The following MCTP1 variants were observed in gnomAD, a reference collection of about 807,000 sequenced individuals.
MCTP1 encodes the protein multiple C2 and transmembrane domain-containing protein 1.
In MCTP1, 69 loss-of-function variants were observed where a neutral mutation model predicts 120.6. The observed-to-expected ratio is 0.57, with a 90% CI of 0.47 to 0.70. The LOEUF (loss-of-function observed/expected upper bound fraction) is 0.70. MCTP1 is among the 30% of genes least tolerant of loss of function. MCTP1 has a pLI of 0.00. For missense variants in MCTP1, 1,203 were observed against 1,248.8 expected (o/e 0.96, Z 0.55); for synonymous variants, 529 against 493.1 (o/e 1.07, Z -0.96).
At chr5:95,169,638 T>C (rs1746950822) in intron 1 of MCTP1, among the ~76,000 whole-genome samples, 1 of 152,216 alleles carries the variant, frequency 6.6e-6, no homozygotes, top group African/African-American at 2.4e-5. Context: ...GGTGTATGTG[T>C]CCGGAATTTA....
chr5:94,704,134 C>T lies in MCTP1; in HGVS notation c.*3362G>A, dbSNP rs578262500. ...CTATGTGGTTTTAATTCATACTTTA[C>T]TGAGCAATTAGAAAAGGCTGATTCT... is the stretch of plus-strand genomic sequence containing the variant. On this transcript the variant is annotated 3_prime_UTR_variant, in exon 23 of 23. Coordinates refer to ENST00000515393, the MANE Select transcript of MCTP1 (RefSeq NM_024717.7). 5.3e-5 allele frequency: 8 copies of T among 151,482 alleles called. No homozygotes were observed. The East Asian group carries it at 1.4e-3, about 26-fold the overall frequency. 9.4% of individuals were successfully genotyped at this position (151,482 alleles called of 1,614,324 possible). A position where few individuals can be genotyped will look rare whatever the true frequency, so the allele number is the denominator to read the frequency against.
At chr5:95,177,672 C>T (rs768947070) in intron 1 of MCTP1, among the ~76,000 whole-genome samples, 3 of 152,266 alleles carry the variant, frequency 2.0e-5, no homozygotes, top group South Asian at 2.1e-4. Context: ...GTTGCACATT[C>T]GTTATTTGCA....
intron 1 of MCTP1, among the ~76,000 whole-genome samples, chr5:95,125,464 A>G (rs894174111): frequency 2.0e-5 from 3 of 152,140 alleles, no homozygotes; most frequent in Non-Finnish European, 4.4e-5. Context: ...GCTAGCCACA[A>G]CCTTCACCTG....
At chr5:94,905,992 T>G (rs770835286) in intron 10 of MCTP1, among the ~76,000 whole-genome samples, 1 of 151,234 alleles carries the variant, frequency 6.6e-6, no homozygotes, top group Non-Finnish European at 1.5e-5. Flanking sequence ...GAGCATGCGG[T>G]GTCCTGGAAG....
chr5:94,710,095 A>G (rs1756299503), intron 21 of MCTP1: 3 of 152,104 alleles, frequency 2.0e-5, no homozygotes, highest in Non-Finnish European at 2.9e-5. Flanking sequence ...TCTAGTTTAT[A>G]TATTATTAAT....
At chr5:94,821,795 T>C (rs898242881) in intron 17 of MCTP1, among the ~76,000 whole-genome samples, 3 of 152,192 alleles carry the variant, frequency 2.0e-5, no homozygotes, top group Non-Finnish European at 2.9e-5. Context: ...CCATCCTATA[T>C]GTGGGCCTCA....
intron 2 of MCTP1, among the ~76,000 whole-genome samples, chr5:95,016,576 G>C (rs1455394874): frequency 6.6e-6 from 1 of 151,974 alleles, no homozygotes; most frequent in African/African-American, 2.4e-5. Context: ...GAGTTAGCAA[G>C]GCCTGGGGAC....
chr5:94,753,355 G>T (rs1035432856), intron 19 of MCTP1, among the ~76,000 whole-genome samples: 1 of 152,136 alleles, frequency 6.6e-6, no homozygotes. Flanking sequence ...AAAAATTATT[G>T]CCATATAGCT....
At chr5:94,869,949 A>T (rs1279917568) in intron 16 of MCTP1, among the ~76,000 whole-genome samples, 1 of 152,114 alleles carries the variant, frequency 6.6e-6, no homozygotes, top group Non-Finnish European at 1.5e-5. Context: ...CCCTTAGAAG[A>T]TGGAGCCTCC....
intron 1 of MCTP1, among the ~76,000 whole-genome samples, chr5:95,147,242 T>C (rs1203015810): frequency 1.3e-5 from 2 of 152,008 alleles, no homozygotes; most frequent in Non-Finnish European, 2.9e-5. Context: ...GCCGCCACCA[T>C]GCCTGGCTAA....
chr5:95,014,956 A>G (rs974629234), intron 2 of MCTP1, among the ~76,000 whole-genome samples: 10 of 152,184 alleles, frequency 6.6e-5, no homozygotes, highest in Admixed American at 1.3e-4. Flanking sequence ...GCAGCCATCA[A>G]CATCGAGGCA....
intron 1 of MCTP1, among the ~76,000 whole-genome samples, chr5:95,101,261 T>C (rs1214976286): frequency 6.6e-6 from 1 of 152,118 alleles, no homozygotes; most frequent in African/African-American, 2.4e-5. Context: ...TCCTACCCAA[T>C]AAAGTTGTAC....
At chr5:94,869,796 T>C (rs1350426467) in intron 16 of MCTP1, among the ~76,000 whole-genome samples, 1 of 152,100 alleles carries the variant, frequency 6.6e-6, no homozygotes, top group Non-Finnish European at 1.5e-5. Context: ...TAATTTAAAA[T>C]TATAAGCAAT....
At position 95,284,094 on chromosome 5, in the gene MCTP1, G is replaced by C; in HGVS notation, c.482C>G (p.Ser161Cys). 1 of 1,550,996 alleles carries C rather than the reference G, an allele frequency of 6.4e-7. No individual in the cohort carries two copies. Among genetic ancestry groups the C allele is most frequent in the Non-Finnish European group, 8.7e-7 (1 of 1,147,066 alleles). The change falls in exon 1 of 23, where the codon TCC (serine) becomes TGC (cysteine). Residue 161 changes from serine to cysteine, a missense_variant. Ser to Cys is a moderately radical substitution (Grantham distance 112, BLOSUM62 -1). Transcript: ENST00000515393. The surrounding 1 kb of genome is among the most constrained non-coding windows in gnomAD (Gnocchi z 5.2). ...RSPDSAPSSS[S>C]ASSSLSSSPQ... ...CGAGGAGGACAGGGAGGATGAGGCGGAGGAAGAGGAAGGAGCTGAGTCGGG... is the reference window on the plus strand; with the variant it reads ...CGAGGAGGACAGGGAGGATGAGGCGCAGGAAGAGGAAGGAGCTGAGTCGGG...
intron 19 of MCTP1, among the ~76,000 whole-genome samples, chr5:94,743,081 A>C (rs1402998025): frequency 6.6e-6 from 1 of 151,940 alleles, no homozygotes; most frequent in African/African-American, 2.4e-5. Context: ...CTACCAAAAC[A>C]GAGCAATCAA....
intron 19 of MCTP1, among the ~76,000 whole-genome samples, chr5:94,726,926 T>C (rs1335219034): frequency 6.6e-6 from 1 of 152,172 alleles, no homozygotes; most frequent in Non-Finnish European, 1.5e-5. Flanking sequence ...TCAAATCGTG[T>C]GAGAAAAGAA....
At chr5:94,867,341 T>C (rs1252650632) in intron 17 of MCTP1, 1 of 1,533,356 alleles carries the variant, frequency 6.5e-7, no homozygotes, top group African/African-American at 1.4e-5. Flanking sequence ...AGACACTCTT[T>C]GTTCCATGTG....
intron 1 of MCTP1, among the ~76,000 whole-genome samples, chr5:95,220,368 C>T (rs1440931484): frequency 1.1e-4 from 17 of 150,512 alleles, no homozygotes; most frequent in South Asian, 2.1e-4. Context: ...TTCCTTAGTC[C>T]GCTGGCCTCT....
chr5:94,953,818 A>AAT (rs1175626085), intron 2 of MCTP1, among the ~76,000 whole-genome samples: 14 of 60,438 alleles, frequency 2.3e-4, no homozygotes, highest in Admixed American at 7.9e-4. Context: ...TATATATACA[A>AAT]ATATATATAT....
Sources: gnomAD v4.1 joint callset for allele counts (sites outside exome capture counted in the v4.1 genomes callset) on GRCh38, gnomAD v4.1.1 for gene constraint, Gnocchi (gnomAD v3.1) non-coding constraint, MANE v1.5 for transcripts, NCBI Gene and HGNC (gene_info 2026-07-23, HGNC 2026-07-21) for gene names.